PEX26: variants seen among roughly 807,000 people sequenced by gnomAD.
The protein encoded by PEX26 is peroxisomal biogenesis factor 26.
In PEX26, 18 loss-of-function variants were observed where a neutral mutation model predicts 31.4. That is an observed-to-expected ratio of 0.57 (90% CI 0.40 to 0.85). PEX26 has a LOEUF of 0.85. Ranked by LOEUF, PEX26 falls within the 40% of genes least tolerant of loss-of-function variation. The pLI, the probability that PEX26 is intolerant of heterozygous loss-of-function variation, is 0.00. For missense variants in PEX26, 377 were observed against 383.9 expected (o/e 0.98, Z 0.15); for synonymous variants, 176 against 166.9 (o/e 1.05, Z -0.42).
chr22:18,093,741 T>A lies in PEX26; in HGVS notation c.*5666T>A, dbSNP rs1927203279. On this transcript the variant is annotated 3_prime_UTR_variant, in exon 5 of 5. Transcript: ENST00000399744. Reference sequence around the variant, plus strand: ...GTATGAAGAAAAGAGATGCCCCGGGTACGACCCCATTTCTATTAAAAATAA... The same window carrying A: ...GTATGAAGAAAAGAGATGCCCCGGGAACGACCCCATTTCTATTAAAAATAA... The A allele has an allele frequency of 6.6e-6, 1 of 152,080 alleles. No individual in the cohort carries two copies. Among genetic ancestry groups the A allele is most frequent in the Middle Eastern group, 3.2e-3 (1 of 316 alleles). The allele number at this position is 152,080 out of a possible 1,614,324, so 9.4% of individuals were successfully genotyped here.
At position 18,078,208 on chromosome 22, in the gene PEX26, CAGAT is replaced by C. The variant is rs779022472; in HGVS notation, c.-166_-163del. The C allele has an allele frequency of 2.4e-5, 17 of 708,126 alleles. No homozygotes were observed. Among genetic ancestry groups the C allele is most frequent in the Admixed American group, 8.0e-5 (4 of 49,974 alleles). 43.9% of individuals were successfully genotyped at this position (708,126 alleles called of 1,614,324 possible). The stretch of plus-strand genomic sequence containing the variant: ...CTCCAGGCGAGCCCAGCTTTTGCCT[CAGAT>C]AGGCCCCTTCCTTTTCCTTCTCGGG... On this transcript the variant is annotated 5_prime_UTR_variant, in exon 1 of 5. Coordinates refer to ENST00000399744, the MANE Select transcript of PEX26 (RefSeq NM_001127649.3).
chr22:18,100,383 C>T lies in PEX26; in HGVS notation c.*12308C>T, dbSNP rs1373785483. ...AGCCACCATGCCTGGCCAGCTCTTT[C>T]TAACTAAAAAATAATAATAATAATA... is the stretch of plus-strand genomic sequence containing the variant. On this transcript the variant is annotated 3_prime_UTR_variant, in exon 5 of 5. Transcript: ENST00000399744. 1 of 151,826 alleles carries T rather than the reference C, an allele frequency of 6.6e-6. No homozygotes were observed. The allele number at this position is 151,826 out of a possible 1,614,324, so 9.4% of individuals were successfully genotyped here.
At position 18,079,988 on chromosome 22, in the gene PEX26, G is replaced by A; in HGVS notation, c.345G>A (p.Lys115=). The part of the protein sequence containing the change: ...WVLQYYQVPE[K]LPPKVLELCI... Reference sequence around the variant, plus strand: ...TTCAGTATTACCAGGTCCCTGAAAAGCTACCCCCCAAAGTCCTGGAGCTGT... The same window carrying A: ...TTCAGTATTACCAGGTCCCTGAAAAACTACCCCCCAAAGTCCTGGAGCTGT... Residue 115 remains lysine (K), a synonymous_variant, in exon 2 of 5, where the codon AAG becomes AAA. Coordinates refer to ENST00000399744, the MANE Select transcript of PEX26 (RefSeq NM_001127649.3). The A allele has an allele frequency of 6.2e-7, 1 of 1,614,162 alleles. No homozygotes were observed. The highest frequency in any genetic ancestry group is 8.5e-7 in the Non-Finnish European group (1 of 1,180,018).
intron 2 of PEX26, among the ~76,000 whole-genome samples, chr22:18,082,062 G>GT (rs10627489): frequency 0.21 from 21,153 of 99,194 alleles, 2,531 homozygotes; most frequent in African/African-American, 0.37. Flanking sequence ...TTTGAATCAG[G>GT]TTTTTTTTTT....
chr22:18,078,404 G>GC lies in PEX26; in HGVS notation c.34dup (p.Leu12ProfsTer103), dbSNP rs61752129. ...GAAGAGCGATTCTTCGACCTCTGCAGCCCCCCTCAGGGGGCTCGGGGGACC... is the reference window on the plus strand; with the variant it reads ...GAAGAGCGATTCTTCGACCTCTGCAGCCCCCCCTCAGGGGGCTCGGGGGACC... On this transcript the variant is annotated frameshift_variant, in exon 1 of 5. Transcript: ENST00000399744. LOFTEE classifies it high-confidence loss of function. 56 of 1,596,356 alleles carry GC rather than the reference G, an allele frequency of 3.5e-5. No homozygotes were observed. Among genetic ancestry groups the GC allele is most frequent in the Non-Finnish European group, 4.4e-5 (52 of 1,174,030 alleles).
At chr22:18,082,062 G>GTT (rs10627489) in intron 2 of PEX26, among the ~76,000 whole-genome samples, 23,814 of 98,998 alleles carry the variant, frequency 0.24, 2,659 homozygotes, top group East Asian at 0.63. Context: ...TTTGAATCAG[G>GTT]TTTTTTTTTT....
Position 18,088,058 on chromosome 22 carries a change from C to T in PEX26, c.901C>T (p.Leu301Phe), listed in dbSNP as rs779566011. The change falls in exon 5 of 5, where the codon CTC (leucine) becomes TTC (phenylalanine). Residue 301 changes from leucine to phenylalanine, a missense_variant. Transcript: ENST00000399744. The surrounding 1 kb of genome is among the most constrained non-coding windows in gnomAD (Gnocchi z 4.1). ...GGCTGCATTTTCTCGCCTCTACCAG[C>T]TCCGCATCCGTGACTGAGGGTCCCT... ...RKAAFSRLYQLRIRD is the reference protein window; with the variant it reads ...RKAAFSRLYQFRIRD The T allele has an allele frequency of 3.2e-5, 52 of 1,611,044 alleles. 3 individuals are homozygous for T. The Middle Eastern group carries it at 2.5e-3, about 76-fold the overall frequency.
Position 18,099,035 on chromosome 22 carries a change from T to A in PEX26, c.*10960T>A, listed in dbSNP as rs1464584127. On this transcript the variant is annotated 3_prime_UTR_variant, in exon 5 of 5. Transcript: ENST00000399744. ...TACTAGACCAAAAAATGACATGCTG[T>A]CTGCCTTACCTTTTAGTGATGATTT... The A allele has an allele frequency of 6.6e-6, 1 of 152,222 alleles. No individual in the cohort carries two copies. The highest frequency in any genetic ancestry group is 1.5e-5 in the Non-Finnish European group (1 of 68,038). The allele number at this position is 152,222 out of a possible 1,614,324, so 9.4% of individuals were successfully genotyped here.
At chr22:18,085,986 A>C (rs368537956) in intron 4 of PEX26, among the ~76,000 whole-genome samples, 7 of 151,782 alleles carry the variant, frequency 4.6e-5, no homozygotes, top group East Asian at 2.0e-4. Flanking sequence ...TAAATGAAAA[A>C]CTCATACATT....
chr22:18,087,878 G>A (rs1318961438), intron 4 of PEX26, 94 bp from the exon 5 acceptor site: 4 of 835,660 alleles, frequency 4.8e-6, no homozygotes, highest in African/African-American at 3.3e-5. Flanking sequence ...AACCAACTAT[G>A]TGTAATTGGT....
rs1927287035 is a variant in PEX26 at position 18,096,189 on chromosome 22, A to C, written c.*8114A>C. The C allele has an allele frequency of 6.6e-6, 1 of 152,082 alleles. No individual in the cohort carries two copies. The highest frequency in any genetic ancestry group is 2.4e-5 in the African/African-American group (1 of 41,400). The allele number at this position is 152,082 out of a possible 1,614,324, so 9.4% of individuals were successfully genotyped here. On this transcript the variant is annotated 3_prime_UTR_variant, in exon 5 of 5. Coordinates refer to ENST00000399744, the MANE Select transcript of PEX26 (RefSeq NM_001127649.3). ...CTTTCCTGTGCCTCAGTTACTTCATAGGTTTGTTGTGAGGATTAACTGGTG... is the reference window on the plus strand; with the variant it reads ...CTTTCCTGTGCCTCAGTTACTTCATCGGTTTGTTGTGAGGATTAACTGGTG...
rs1285950088 is a variant in PEX26, at chr22:18,078,254, G to C, written c.-123G>C. The stretch of plus-strand genomic sequence containing the variant: ...CTTCTCGGGGAATCGACCTCGGGAA[G>C]GGGTGTGGGCAAAGAGATGAGGACT... On this transcript the variant is annotated 5_prime_UTR_variant, in exon 1 of 5. Transcript: ENST00000399744. 2 of 763,720 alleles carry C rather than the reference G, an allele frequency of 2.6e-6. No homozygotes were observed. Among genetic ancestry groups the C allele is most frequent in the African/African-American group, 3.4e-5 (2 of 58,350 alleles). The allele number at this position is 763,720 out of a possible 1,614,324, so 47.3% of individuals were successfully genotyped here.
rs778534478 is a variant in PEX26, at chr22:18,078,441, G to A, written c.65G>A (p.Ser22Asn). The A allele has an allele frequency of 6.4e-7, 1 of 1,568,676 alleles. No individual in the cohort carries two copies. Among genetic ancestry groups the A allele is most frequent in the South Asian group, 1.1e-5 (1 of 87,206 alleles). The change falls in exon 1 of 5, where the codon AGC (serine) becomes AAC (asparagine). Residue 22 changes from serine to asparagine, a missense_variant. Coordinates refer to ENST00000399744, the MANE Select transcript of PEX26 (RefSeq NM_001127649.3). The part of the protein sequence containing the change: ...LRGLGGPLRS[S>N]EPVRAVPARA... The stretch of plus-strand genomic sequence containing the variant: ...GGGCTCGGGGGACCCCTGCGCAGCA[G>A]CGAGCCGGTGCGCGCGGTCCCGGCC...
At position 18,098,376 on chromosome 22, in the gene PEX26, CT is replaced by C. The variant is rs1927356337; in HGVS notation, c.*10303del. Reference sequence around the variant, plus strand: ...CAAGATGGGGACAAAAATTATCTTCCTTGGCTGGGTGCGGTGGCTCATGCCT... The same window carrying C: ...CAAGATGGGGACAAAAATTATCTTCCTGGCTGGGTGCGGTGGCTCATGCCT... On this transcript the variant is annotated 3_prime_UTR_variant, in exon 5 of 5. Transcript: ENST00000399744. 1 of 151,698 alleles carries C rather than the reference CT, an allele frequency of 6.6e-6. No individual in the cohort carries two copies. The highest frequency in any genetic ancestry group is 6.6e-5 in the Admixed American group (1 of 15,214). The allele number at this position is 151,698 out of a possible 1,614,324, so 9.4% of individuals were successfully genotyped here.
Position 18,090,337 on chromosome 22 carries a change from G to A in PEX26, c.*2262G>A, listed in dbSNP as rs1927038918. On this transcript the variant is annotated 3_prime_UTR_variant, in exon 5 of 5. Coordinates refer to ENST00000399744, the MANE Select transcript of PEX26 (RefSeq NM_001127649.3). The stretch of plus-strand genomic sequence containing the variant: ...TTGGCTAAGATCTCCCCTTTGATGT[G>A]GGTCCCCTGTTGATTATATGTGCGG... The A allele has an allele frequency of 6.6e-6, 1 of 152,208 alleles. No homozygotes were observed. Among genetic ancestry groups the A allele is most frequent in the South Asian group, 2.1e-4 (1 of 4,834 alleles). 9.4% of individuals were successfully genotyped at this position (152,208 alleles called of 1,614,324 possible).
rs1442682580 is a variant in PEX26 at position 18,091,417 on chromosome 22, G to T, written c.*3342G>T. On this transcript the variant is annotated 3_prime_UTR_variant, in exon 5 of 5. Transcript: ENST00000399744. Reference sequence around the variant, plus strand: ...GGAGGCCAAGGTGGGTGAATCACCTGAAGTCAGGAGTTCGAGATCAGCATG... The same window carrying T: ...GGAGGCCAAGGTGGGTGAATCACCTTAAGTCAGGAGTTCGAGATCAGCATG... The T allele has an allele frequency of 6.6e-6, 1 of 152,252 alleles. No individual in the cohort carries two copies. The highest frequency in any genetic ancestry group is 1.5e-5 in the Non-Finnish European group (1 of 68,072). The allele number at this position is 152,252 out of a possible 1,614,324, so 9.4% of individuals were successfully genotyped here.
Position 18,085,238 on chromosome 22 carries a change from T to G in PEX26, c.794T>G (p.Leu265Arg). The part of the protein sequence containing the change: ...SLLAALILCL[L>R]VVRFDPASPS... The stretch of plus-strand genomic sequence containing the variant: ...CTGGCTGCCTTGATCCTCTGTCTCC[T>G]GGTGGTGAGATTTGATCCAGGTAAG... Residue 265 changes from leucine (L) to arginine (R), a missense_variant, in exon 4 of 5, where the codon CTG becomes CGG. Coordinates refer to ENST00000399744, the MANE Select transcript of PEX26 (RefSeq NM_001127649.3). The G allele has an allele frequency of 6.2e-7, 1 of 1,614,122 alleles. No homozygotes were observed. The highest frequency in any genetic ancestry group is 8.5e-7 in the Non-Finnish European group (1 of 1,179,996).
At position 18,101,860 on chromosome 22, in the gene PEX26, C is replaced by CTGGCATGATTGAGGG. The variant is rs1257431661; in HGVS notation, c.*13788_*13802dup. On this transcript the variant is annotated 3_prime_UTR_variant, in exon 5 of 5. Coordinates refer to ENST00000399744, the MANE Select transcript of PEX26 (RefSeq NM_001127649.3). ...CAGTGAATGGAGAATTCGACAACGC[C>CTGGCATGATTGAGGG]TGGCATGATTGAGGGTGACACATCA... The CTGGCATGATTGAGGG allele has an allele frequency of 6.1e-6, 1 of 163,310 alleles. No homozygotes were observed. The highest frequency in any genetic ancestry group is 1.3e-5 in the Non-Finnish European group (1 of 74,778). 10.1% of individuals were successfully genotyped at this position (163,310 alleles called of 1,614,324 possible).
chr22:18,078,746 T>A (rs773704313), intron 1 of PEX26, 140 bp downstream of exon 1: 15 of 817,774 alleles, frequency 1.8e-5, no homozygotes, highest in Non-Finnish European at 2.6e-5. Flanking sequence ...TCCGAGAGGG[T>A]GGTCGCTCAT....
Sources: gnomAD v4.1 joint callset for allele counts (sites outside exome capture counted in the v4.1 genomes callset) on GRCh38, gnomAD v4.1.1 for gene constraint, Gnocchi (gnomAD v3.1) non-coding constraint, MANE v1.5 for transcripts, NCBI Gene and HGNC (gene_info 2026-07-23, HGNC 2026-07-21) for gene names.